Variants in DCAF5 observed in about 807,000 individuals in gnomAD.
The protein encoded by DCAF5 is DDB1- and CUL4-associated factor 5.
A neutral mutation model predicts 80.7 loss-of-function variants in DCAF5; 9 were observed. The ratio of observed to expected loss-of-function variants is 0.11; its 90% CI spans 0.07 to 0.19. The LOEUF is 0.19. Among genes scored for constraint, DCAF5 ranks in the 10% least tolerant of loss-of-function variants. DCAF5 has a pLI of 1.00. For missense variants in DCAF5, 842 were observed against 1,205.7 expected, an observed-to-expected ratio of 0.70 and a Z score of 4.47; for synonymous variants, 433 against 461.9, an observed-to-expected ratio of 0.94 and a Z score of 0.80.
rs1327111290 is a variant in DCAF5, at chr14:69,051,330, A to T, written c.*2527T>A. On this transcript the variant is annotated 3_prime_UTR_variant, in exon 9 of 9. Transcript: ENST00000341516. ...ATGTGCCATCAAAGTTGGGGCCTCA[A>T]TTCTAAAAGAGTTTAGGCAAAGGTA... 1 of 152,644 alleles carries T rather than the reference A, an allele frequency of 6.6e-6. No homozygotes were observed. Among genetic ancestry groups the T allele is most frequent in the East Asian group, 1.9e-4 (1 of 5,206 alleles). 9.5% of individuals were successfully genotyped at this position (152,644 alleles called of 1,614,324 possible).
chr14:69,059,700 T>A (rs2038130864), intron 8 of DCAF5, among the ~76,000 whole-genome samples: 1 of 152,154 alleles, frequency 6.6e-6, no homozygotes, highest in South Asian at 2.1e-4. Context: ...GCCATGCCAT[T>A]CCCAGCCAGA....
chr14:69,102,642 G>A (rs2040002607), intron 5 of DCAF5, among the ~76,000 whole-genome samples: 1 of 106,434 alleles, frequency 9.4e-6, no homozygotes, highest in South Asian at 3.7e-4. Flanking sequence ...ACCTACACAG[G>A]GTCAGGCTCA....
At position 69,118,209 on chromosome 14, in the gene DCAF5, G is replaced by A; in HGVS notation, c.465C>T (p.Asp155=). 1 of 1,613,948 alleles carries A rather than the reference G, an allele frequency of 6.2e-7. No individual in the cohort carries two copies. Among genetic ancestry groups the A allele is most frequent in the Non-Finnish European group, 8.5e-7 (1 of 1,179,912 alleles). Reference sequence around the variant, plus strand: ...CATCTGAGGAACTGGCAAAAATGTTGTCATTCACTGGGCTCACAGACAAGC... The same window carrying A: ...CATCTGAGGAACTGGCAAAAATGTTATCATTCACTGGGCTCACAGACAAGC... ...VYGLSVSPVN[D]NIFASSSDDG... The change falls in exon 4 of 9, where the codon GAC becomes GAT. Residue 155 remains aspartate, a synonymous_variant. Coordinates refer to ENST00000341516, the MANE Select transcript of DCAF5 (RefSeq NM_003861.3). This position sits in a 1 kb window ranked among gnomAD's most constrained non-coding sequence, Gnocchi z 4.0.
intron 6 of DCAF5, among the ~76,000 whole-genome samples, chr14:69,079,727 CAA>C (rs1179907495): frequency 1.3e-5 from 2 of 151,976 alleles, no homozygotes; most frequent in East Asian, 1.9e-4. Flanking sequence ...CAGAGTTGAT[CAA>C]AAGAGACCCT....
intron 2 of DCAF5, 147 bp downstream of exon 2, chr14:69,122,070 C>T: frequency 1.1e-6 from 1 of 920,988 alleles, no homozygotes; most frequent in South Asian, 1.9e-5. Context: ...TATAATACTG[C>T]TGTAATGCAG....
In DCAF5 at chr14:69,137,185, T is replaced by C. The variant is rs748807827; in HGVS notation, c.215-14825A>G. 1.8e-4 allele frequency among the ~76,000 whole-genome samples: 27 copies of C among 152,274 alleles called. 1 individual carries two copies. The highest frequency in any genetic ancestry group is 6.8e-3 in the Middle Eastern group (2 of 294). On this transcript the variant is annotated intron_variant, in intron 1 of 8. Coordinates refer to ENST00000341516, the MANE Select transcript of DCAF5 (RefSeq NM_003861.3). ...ACAGGCAATTTTCCATAGTAAAGTA[T>C]GGAATTAGTGACACGTCAAAGAATA...
intron 5 of DCAF5, among the ~76,000 whole-genome samples, chr14:69,099,097 A>T (rs1220707720): frequency 6.6e-6 from 1 of 151,758 alleles, no homozygotes; most frequent in African/African-American, 2.4e-5. Context: ...CTAAAAATTT[A>T]AAAAATTAGC....
intron 7 of DCAF5, among the ~76,000 whole-genome samples, chr14:69,070,351 G>T (rs919514859): frequency 5.3e-5 from 8 of 152,144 alleles, no homozygotes; most frequent in African/African-American, 1.9e-4. Flanking sequence ...TGGAAATGAT[G>T]GATCTACATC....
chr14:69,097,585 T>C (rs925817), intron 5 of DCAF5, among the ~76,000 whole-genome samples: 2 of 84,950 alleles, frequency 2.4e-5, no homozygotes, highest in African/African-American at 8.8e-5. Context: ...TATTATTATT[T>C]TTTTTTTTTT....
intron 5 of DCAF5, among the ~76,000 whole-genome samples, chr14:69,115,132 G>A (rs1004777593): frequency 1.3e-5 from 2 of 152,304 alleles, no homozygotes; most frequent in African/African-American, 4.8e-5. Context: ...GATGAACACA[G>A]TTGTCTTCTT....
At position 69,153,078 on chromosome 14, in the gene DCAF5, C is replaced by T; in HGVS notation, c.-100G>A. 1.0e-6 allele frequency: 1 copy of T among 978,750 alleles called. No homozygotes were observed. The highest frequency in any genetic ancestry group is 1.4e-6 in the Non-Finnish European group (1 of 715,068). 60.6% of individuals were successfully genotyped at this position (978,750 alleles called of 1,614,324 possible). On this transcript the variant is annotated 5_prime_UTR_variant, in exon 1 of 9. Coordinates refer to ENST00000341516, the MANE Select transcript of DCAF5 (RefSeq NM_003861.3). ...CCGGCCCTCCCCCCGCGCTGCGATC[C>T]GGATGGTTCTTTAACCAGCCATGGC...
intron 6 of DCAF5, chr14:69,084,354 A>G (rs892644139): frequency 2.1e-6 from 2 of 938,388 alleles, no homozygotes; most frequent in African/African-American, 3.2e-5. Context: ...ATGTATAAAA[A>G]TCTGCAGTGT....
rs7158165 is a variant in DCAF5 at position 69,051,480 on chromosome 14, C to T, written c.*2377G>A. The T allele has an allele frequency of 6.6e-6, 1 of 152,166 alleles. No homozygotes were observed. 9.4% of individuals were successfully genotyped at this position (152,166 alleles called of 1,614,324 possible). A position where few individuals can be genotyped will look rare whatever the true frequency, so the allele number is the denominator to read the frequency against. ...CTGCTCATGTGTGTGTCTTATGGGGCCTATCACCCGGTAAGCTGAGCCTAG... is the reference window on the plus strand; with the variant it reads ...CTGCTCATGTGTGTGTCTTATGGGGTCTATCACCCGGTAAGCTGAGCCTAG... On this transcript the variant is annotated 3_prime_UTR_variant, in exon 9 of 9. Transcript: ENST00000341516.
intron 7 of DCAF5, among the ~76,000 whole-genome samples, chr14:69,068,017 T>C (rs1034178308): frequency 6.6e-6 from 1 of 152,214 alleles, no homozygotes; most frequent in African/African-American, 2.4e-5. Flanking sequence ...TATCTATCCT[T>C]CAGGGTCCTT....
chr14:69,109,850 G>T (rs1405840029), intron 5 of DCAF5, among the ~76,000 whole-genome samples: 1 of 152,182 alleles, frequency 6.6e-6, no homozygotes, highest in Non-Finnish European at 1.5e-5. Context: ...GAGTGAGATT[G>T]CTGGGTCATG....
intron 5 of DCAF5, among the ~76,000 whole-genome samples, chr14:69,098,950 G>A (rs569972130): frequency 1.0e-4 from 15 of 144,594 alleles, no homozygotes; most frequent in Middle Eastern, 7.7e-3. Flanking sequence ...GACTTAAAAC[G>A]TTTTTAAAAC....
At chr14:69,073,388 C>A (rs1391951948) in intron 7 of DCAF5, among the ~76,000 whole-genome samples, 1 of 152,116 alleles carries the variant, frequency 6.6e-6, no homozygotes, top group East Asian at 1.9e-4. Flanking sequence ...TTCTAGCCTG[C>A]AGAACTGTGA....
At chr14:69,086,464 GA>G (rs1034614354) in intron 6 of DCAF5, among the ~76,000 whole-genome samples, 17 of 146,638 alleles carry the variant, frequency 1.2e-4, no homozygotes, top group African/African-American at 2.7e-4. Flanking sequence ...GCAAGGAGAT[GA>G]AAAAAAAAAG....
intron 6 of DCAF5, chr14:69,085,248 C>T (rs751327399): frequency 3.0e-5 from 21 of 709,694 alleles, no homozygotes; most frequent in East Asian, 2.4e-4. Flanking sequence ...TTGATCTGAA[C>T]GTCAACAGCA....
Sources: gnomAD v4.1 joint callset for allele counts (sites outside exome capture counted in the v4.1 genomes callset) on GRCh38, gnomAD v4.1.1 for gene constraint, Gnocchi (gnomAD v3.1) non-coding constraint, MANE v1.5 for transcripts, NCBI Gene and HGNC (gene_info 2026-07-23, HGNC 2026-07-21) for gene names.